Variants in EPHB2 observed in about 807,000 individuals in gnomAD.
The protein encoded by EPHB2 is EPH receptor B2, also known as ephrin type-B receptor 2.
Under a neutral mutation model 96.4 loss-of-function variants are expected in EPHB2, and 18 were observed. The ratio of observed to expected loss-of-function variants is 0.19; its 90% CI spans 0.13 to 0.28. The LOEUF (loss-of-function observed/expected upper bound fraction) is 0.28. EPHB2 is among the 10% of genes least tolerant of loss of function. The pLI is 1.00. For synonymous variants in EPHB2, 506 were observed against 534.1 expected, an observed-to-expected ratio of 0.95 and a Z score of 0.72; for missense variants, 989 against 1,355.4, an observed-to-expected ratio of 0.73 and a Z score of 4.25.
At chr1:22,812,784 C>T (rs911474492) in intron 3 of EPHB2, among the ~76,000 whole-genome samples, 2 of 152,178 alleles carry the variant, frequency 1.3e-5, no homozygotes, top group African/African-American at 2.4e-5. Flanking sequence ...TGCTGTTCAT[C>T]GTGGGTGGGA....
chr1:22,743,683 G>C (rs1331095801), intron 1 of EPHB2, among the ~76,000 whole-genome samples: 1 of 152,180 alleles, frequency 6.6e-6, no homozygotes, highest in African/African-American at 2.4e-5. Context: ...ACGTTGGCCA[G>C]GCTGGTCTCA....
At chr1:22,806,485 G>A (rs921474046) in intron 3 of EPHB2, among the ~76,000 whole-genome samples, 4 of 68,742 alleles carry the variant, frequency 5.8e-5, no homozygotes, top group East Asian at 5.9e-4. Context: ...ATGGACGGAC[G>A]GACGGACGGA....
intron 1 of EPHB2, among the ~76,000 whole-genome samples, chr1:22,772,282 G>T (rs1215483182): frequency 2.0e-5 from 3 of 152,206 alleles, no homozygotes; most frequent in Admixed American, 2.0e-4. Context: ...GCAGGCAGGG[G>T]ACAGAGCAGA....
intron 1 of EPHB2, among the ~76,000 whole-genome samples, chr1:22,737,842 A>T (rs1381344545): frequency 1.3e-5 from 2 of 152,180 alleles, no homozygotes; most frequent in African/African-American, 2.4e-5. Flanking sequence ...CCTCTATCCT[A>T]GAGGCTTTTA....
chr1:22,912,975 A>T (rs541070486), intron 15 of EPHB2: 35 of 361,184 alleles, frequency 9.7e-5, no homozygotes, highest in Non-Finnish European at 1.7e-4. Flanking sequence ...CGGGCAGATC[A>T]CAAGGTCAGG....
chr1:22,742,995 G>A (rs775516494), intron 1 of EPHB2, among the ~76,000 whole-genome samples: 1 of 151,490 alleles, frequency 6.6e-6, no homozygotes, highest in Non-Finnish European at 1.5e-5. Flanking sequence ...TGGCTCAAGC[G>A]ATCCTCCCAC....
intron 1 of EPHB2, among the ~76,000 whole-genome samples, chr1:22,777,025 C>T (rs1055683771): frequency 2.0e-5 from 3 of 152,148 alleles, no homozygotes; most frequent in African/African-American, 4.8e-5. Flanking sequence ...CGGGATATCT[C>T]GAAGCACCCG....
At chr1:22,839,729 C>T (rs1645438738) in intron 3 of EPHB2, among the ~76,000 whole-genome samples, 1 of 152,108 alleles carries the variant, frequency 6.6e-6, no homozygotes, top group Non-Finnish European at 1.5e-5. Context: ...TATGAACTGA[C>T]ATTAGAAGGC....
chr1:22,888,304 G>A (rs917292734), intron 6 of EPHB2, among the ~76,000 whole-genome samples: 1 of 152,166 alleles, frequency 6.6e-6, no homozygotes, highest in Non-Finnish European at 1.5e-5. Context: ...GCCTCACAAA[G>A]TGCTGGGATT....
intron 1 of EPHB2, among the ~76,000 whole-genome samples, chr1:22,740,907 T>A (rs1487754414): frequency 2.0e-5 from 3 of 152,132 alleles, no homozygotes; most frequent in African/African-American, 7.2e-5. Flanking sequence ...CTTCCTCCCC[T>A]GGCTGGGGGG....
intron 1 of EPHB2, among the ~76,000 whole-genome samples, chr1:22,735,856 T>C (rs1003151061): frequency 1.3e-5 from 2 of 152,148 alleles, no homozygotes; most frequent in Admixed American, 6.5e-5. Flanking sequence ...GGGAGGTCAG[T>C]AGGGTCACTA....
intron 3 of EPHB2, among the ~76,000 whole-genome samples, chr1:22,845,716 A>ACACACC (rs1458183648): frequency 1.3e-5 from 2 of 152,058 alleles, no homozygotes; most frequent in African/African-American, 4.8e-5. Context: ...CTTTACACAC[A>ACACACC]CACACCCACA....
chr1:22,895,562 T>C lies in EPHB2; in HGVS notation c.1682T>C (p.Ile561Thr). The change falls in exon 8 of 16, where the codon ATC (isoleucine) becomes ACC (threonine). Residue 561 changes from isoleucine (I) to threonine (T), a missense_variant. Transcript: ENST00000374630. ...GTCTTCCTCATTGCTGTGGTTGTCA[T>C]CGCCATCGTGTGTAACAGGTGGGTG... ...GLVFLIAVVVIAIVCNRRGFE... is the reference protein window; with the variant it reads ...GLVFLIAVVVTAIVCNRRGFE... The C allele has an allele frequency of 6.2e-7, 1 of 1,614,260 alleles. No individual in the cohort carries two copies. The highest frequency in any genetic ancestry group is 8.5e-7 in the Non-Finnish European group (1 of 1,180,044).
intron 1 of EPHB2, among the ~76,000 whole-genome samples, chr1:22,753,635 C>G (rs1317284282): frequency 1.3e-5 from 2 of 152,032 alleles, no homozygotes; most frequent in East Asian, 3.9e-4. Flanking sequence ...GGGCCTTTTC[C>G]TTTGGCTGTG....
rs777829293 is a variant in EPHB2, at chr1:22,892,928, C to A, written c.1473C>A (p.Asn491Lys). The A allele has an allele frequency of 1.2e-5, 20 of 1,614,120 alleles. No homozygotes were observed. The Admixed American group carries it at 3.0e-4, about 24-fold the overall frequency. ...YNATAIKSPT[N>K]TVTVQGLKAG... The stretch of plus-strand genomic sequence containing the variant: ...CCACAGCCATAAAAAGCCCCACCAA[C>A]ACGGTCACCGTGCAGGGCCTCAAAG... Residue 491 changes from asparagine (N) to lysine (K), a missense_variant, in exon 7 of 16, where the codon AAC (asparagine) becomes AAA (lysine). By Grantham distance (94) the Asn-to-Lys change is moderately conservative. Coordinates refer to ENST00000374630, the MANE Select transcript of EPHB2 (RefSeq NM_017449.5).
At chr1:22,802,619 T>C (rs1368973076) in intron 3 of EPHB2, among the ~76,000 whole-genome samples, 1 of 152,070 alleles carries the variant, frequency 6.6e-6, no homozygotes, top group Non-Finnish European at 1.5e-5. Flanking sequence ...GGGTAGTCCG[T>C]AGCAGAGATG....
At chr1:22,727,791 A>C (rs1263763195) in intron 1 of EPHB2, among the ~76,000 whole-genome samples, 11 of 147,246 alleles carry the variant, frequency 7.5e-5, no homozygotes, top group Non-Finnish European at 1.0e-4. Context: ...TTTAAAAAAA[A>C]AAAACAAAAA....
Position 22,914,109 on chromosome 1 carries a change from C to G in EPHB2, c.*539C>G. 3.9e-6 allele frequency: 2 copies of G among 507,246 alleles called. No individual in the cohort carries two copies. The highest frequency in any genetic ancestry group is 6.7e-5 in the South Asian group (2 of 29,662). 31.4% of individuals were successfully genotyped at this position (507,246 alleles called of 1,614,324 possible). A position where few individuals can be genotyped will look rare whatever the true frequency, so the allele number is the denominator to read the frequency against. On this transcript the variant is annotated 3_prime_UTR_variant, in exon 16 of 16. Transcript: ENST00000374630. The stretch of plus-strand genomic sequence containing the variant: ...ACAGACAGCCACCCTGAGAACCCCT[C>G]TGGGAAAATCTATTCCTGCCACCAC...
intron 1 of EPHB2, among the ~76,000 whole-genome samples, chr1:22,764,755 C>T (rs1014420095): frequency 1.3e-5 from 2 of 151,934 alleles, no homozygotes; most frequent in African/African-American, 2.4e-5. Context: ...ATCTAAATGA[C>T]TGCTGAGGCC....
Sources: gnomAD v4.1 joint callset for allele counts (sites outside exome capture counted in the v4.1 genomes callset) on GRCh38, gnomAD v4.1.1 for gene constraint, MANE v1.5 for transcripts, NCBI Gene and HGNC (gene_info 2026-07-23, HGNC 2026-07-21) for gene names.